PCCA: variants seen among roughly 807,000 people sequenced by gnomAD.
The protein encoded by PCCA is propionyl-CoA carboxylase subunit alpha.
Under a neutral mutation model 101.3 loss-of-function variants are expected in PCCA, and 74 were observed. That is an observed-to-expected ratio of 0.73 (90% CI 0.61 to 0.89). PCCA has a LOEUF of 0.89. Ranked by LOEUF, PCCA falls within the 40% of genes least tolerant of loss-of-function variation. The pLI is 0.00. For missense variants in PCCA, 891 were observed against 907.0 expected (o/e 0.98, Z 0.23); for synonymous variants, 294 against 313.6 (o/e 0.94, Z 0.66).
At chr13:100,491,616 C>T (rs1386759654) in intron 21 of PCCA, 4 of 1,292,400 alleles carry the variant, frequency 3.1e-6, no homozygotes, top group Non-Finnish European at 4.1e-6. Context: ...GAAATAATGG[C>T]CAAAGCGGTG....
At chr13:100,228,563 A>G (rs1028651366) in intron 7 of PCCA, among the ~76,000 whole-genome samples, 1 of 152,130 alleles carries the variant, frequency 6.6e-6, no homozygotes, top group Non-Finnish European at 1.5e-5. Flanking sequence ...ATTTGTGAAG[A>G]GATAATGTTG....
chr13:100,430,156 T>A (rs1258827290), intron 20 of PCCA, among the ~76,000 whole-genome samples: 1 of 151,854 alleles, frequency 6.6e-6, no homozygotes, highest in African/African-American at 2.4e-5. Flanking sequence ...ATGCCTGTAA[T>A]CCCAGCTACT....
At chr13:100,129,547 CTGACCAGTAGTTT>C (rs2050284498) in intron 4 of PCCA, among the ~76,000 whole-genome samples, 1 of 152,164 alleles carries the variant, frequency 6.6e-6, no homozygotes, top group Non-Finnish European at 1.5e-5. Flanking sequence ...CACCTTCTCC[CTGACCAGTAGTTT>C]TGTGGGTGCC....
chr13:100,210,298 G>A (rs1200715986), intron 7 of PCCA, among the ~76,000 whole-genome samples: 1 of 152,172 alleles, frequency 6.6e-6, no homozygotes, highest in Non-Finnish European at 1.5e-5. Context: ...GTTTTAAATA[G>A]CATAAGTTAA....
chr13:100,504,668 G>A (rs2085930157), intron 21 of PCCA, among the ~76,000 whole-genome samples: 1 of 152,172 alleles, frequency 6.6e-6, no homozygotes, highest in South Asian at 2.1e-4. Context: ...CGGGCACCGT[G>A]GCTCACACCT....
At chr13:100,279,215 C>T (rs1158458998) in intron 12 of PCCA, among the ~76,000 whole-genome samples, 3 of 152,208 alleles carry the variant, frequency 2.0e-5, no homozygotes, top group African/African-American at 7.2e-5. Context: ...TGATATTTAA[C>T]ATCATACTTT....
intron 7 of PCCA, among the ~76,000 whole-genome samples, chr13:100,218,876 T>C (rs2059662863): frequency 6.6e-6 from 1 of 152,206 alleles, no homozygotes; most frequent in African/African-American, 2.4e-5. Context: ...GCAGCCATAT[T>C]AAGGAAGCCT....
intron 19 of PCCA, among the ~76,000 whole-genome samples, chr13:100,418,268 C>T (rs543815982): frequency 2.6e-5 from 4 of 152,326 alleles, no homozygotes; most frequent in South Asian, 2.1e-4. Flanking sequence ...GGCTGGTGAA[C>T]GTCCCATACC....
intron 17 of PCCA, among the ~76,000 whole-genome samples, chr13:100,339,604 T>TA (rs2071006020): frequency 6.6e-6 from 1 of 152,328 alleles, no homozygotes; most frequent in African/African-American, 2.4e-5. Flanking sequence ...GGTAGGAAGA[T>TA]ACTGTGAGTG....
chr13:100,422,120 TTTCTTTCTTTCTTTC>T (rs2078855829), intron 19 of PCCA, among the ~76,000 whole-genome samples: 24 of 82,274 alleles, frequency 2.9e-4, no homozygotes, highest in African/African-American at 1.1e-3. Context: ...CTTTCTTTCT[TTTCTTTCTTTCTTTC>T]TTTTTTTTTT....
rs549469161 is a variant in PCCA at position 100,511,538 on chromosome 13, C to A, written c.1900-3889C>A. Among the ~76,000 whole-genome samples the A allele has an allele frequency of 3.3e-5, 5 of 152,328 alleles. No individual in the cohort carries two copies. In the South Asian group the frequency reaches 1.0e-3, roughly 32 times the overall value. On this transcript the variant is annotated intron_variant, in intron 21 of 23. Coordinates refer to ENST00000376285, the MANE Select transcript of PCCA (RefSeq NM_000282.4). The stretch of plus-strand genomic sequence containing the variant: ...CAGTGATTTACAGTCAAAGATAGCA[C>A]CTGCCCTTGAGTTGGTATTGACTGA...
intron 8 of PCCA, chr13:100,236,579 G>C (rs2060811610): frequency 1.3e-5 from 2 of 152,212 alleles, no homozygotes; most frequent in African/African-American, 2.4e-5. Context: ...TCCTGCCTCA[G>C]CCTCCCTAGT....
chr13:100,476,550 C>G (rs1407085174), intron 21 of PCCA, among the ~76,000 whole-genome samples: 5 of 152,212 alleles, frequency 3.3e-5, no homozygotes, highest in East Asian at 1.9e-4. Flanking sequence ...GTCCACCCCC[C>G]ACCCTTAGTT....
At chr13:100,302,283 C>T (rs2066123954) in intron 13 of PCCA, among the ~76,000 whole-genome samples, 1 of 152,058 alleles carries the variant, frequency 6.6e-6, no homozygotes, top group South Asian at 2.1e-4. Context: ...AAAAATAAAT[C>T]AGTGTCTGTG....
At chr13:100,306,548 T>A (rs1219034182) in intron 14 of PCCA, among the ~76,000 whole-genome samples, 1 of 152,178 alleles carries the variant, frequency 6.6e-6, no homozygotes, top group Non-Finnish European at 1.5e-5. Context: ...CGTTGGCTGG[T>A]TAACAGCAAT....
intron 4 of PCCA, among the ~76,000 whole-genome samples, chr13:100,136,344 C>G (rs151325809): frequency 3.2e-4 from 49 of 151,980 alleles, no homozygotes; most frequent in African/African-American, 1.1e-3. Flanking sequence ...CACCACCACG[C>G]CTGGCTAATT....
At chr13:100,309,974 G>A in intron 16 of PCCA, 66 bp downstream of exon 16, 1 of 1,156,932 alleles carries the variant, frequency 8.6e-7, no homozygotes, top group Non-Finnish European at 1.3e-6. Flanking sequence ...AACAGCCTGG[G>A]GGTTTACCAA....
At chr13:100,198,564 A>T (rs2058270623) in intron 6 of PCCA, 1 of 152,148 alleles carries the variant, frequency 6.6e-6, no homozygotes, top group Non-Finnish European at 1.5e-5. Flanking sequence ...CAATGGCATG[A>T]TCTTGGCTCA....
chr13:100,253,044 T>C (rs571796998), intron 8 of PCCA, among the ~76,000 whole-genome samples: 9 of 152,340 alleles, frequency 5.9e-5, no homozygotes, highest in African/African-American at 2.2e-4. Flanking sequence ...AATACTAGTT[T>C]TCTCAGAGAA....
Sources: gnomAD v4.1 joint callset for allele counts (sites outside exome capture counted in the v4.1 genomes callset) on GRCh38, gnomAD v4.1.1 for gene constraint, MANE v1.5 for transcripts, NCBI Gene and HGNC (gene_info 2026-07-23, HGNC 2026-07-21) for gene names.